Variants in RBMS3 observed in about 807,000 individuals in gnomAD.
RBMS3 encodes the protein RNA binding motif single stranded interacting protein 3.
RBMS3 carries 27 observed loss-of-function variants against 66.8 expected under a neutral mutation model. The ratio of observed to expected loss-of-function variants is 0.40; its 90% CI spans 0.30 to 0.56. The LOEUF (loss-of-function observed/expected upper bound fraction) is 0.56, where lower values mean the gene tolerates loss of function less well. RBMS3 is among the 20% of genes least tolerant of loss of function. The probability of loss-of-function intolerance (pLI) is 0.40; values close to 1 mark genes in which losing one functional copy is unlikely to be tolerated. For missense variants in RBMS3, 513 were observed against 549.5 expected, an observed-to-expected ratio of 0.93 and a Z score of 0.66; for synonymous variants, 188 against 183.0, an observed-to-expected ratio of 1.03 and a Z score of -0.22.
At chr3:29,528,968 T>C (rs1232399037) in intron 3 of RBMS3, among the ~76,000 whole-genome samples, 1 of 152,144 alleles carries the variant, frequency 6.6e-6, no homozygotes, top group Non-Finnish European at 1.5e-5. Context: ...GGTCTCGAAC[T>C]CCTGACCTAA....
intron 4 of RBMS3, among the ~76,000 whole-genome samples, chr3:29,647,402 A>C (rs17548225): frequency 0.15 from 22,508 of 152,208 alleles, 1,815 homozygotes; most frequent in Middle Eastern, 0.25. Flanking sequence ...GGACTCATCA[A>C]ATTAAAAACA....
At chr3:29,615,493 C>G (rs895625187) in intron 4 of RBMS3, among the ~76,000 whole-genome samples, 1 of 151,984 alleles carries the variant, frequency 6.6e-6, no homozygotes, top group African/African-American at 2.4e-5. Flanking sequence ...CACACACACA[C>G]ACATAAAATG....
intron 6 of RBMS3, among the ~76,000 whole-genome samples, chr3:29,794,791 T>G (rs1041753456): frequency 5.9e-5 from 9 of 152,182 alleles, no homozygotes; most frequent in Non-Finnish European, 7.3e-5. Flanking sequence ...AATGTACACA[T>G]GGTCATGTGC....
intron 6 of RBMS3, among the ~76,000 whole-genome samples, chr3:29,844,671 G>A (rs930970717): frequency 3.9e-5 from 6 of 152,136 alleles, no homozygotes; most frequent in Admixed American, 1.3e-4. Context: ...AAACAATCCA[G>A]CATTTCCATC....
At chr3:29,770,716 C>G (rs1327522509) in intron 6 of RBMS3, among the ~76,000 whole-genome samples, 1 of 152,018 alleles carries the variant, frequency 6.6e-6, no homozygotes, top group Non-Finnish European at 1.5e-5. Context: ...GCTTTGCCTT[C>G]TGTCAGCATC....
intron 3 of RBMS3, among the ~76,000 whole-genome samples, chr3:29,566,251 T>C (rs1004529061): frequency 6.6e-6 from 1 of 152,108 alleles, no homozygotes; most frequent in Non-Finnish European, 1.5e-5. Context: ...CCCACTGCAA[T>C]GAAGGACATT....
intron 10 of RBMS3, among the ~76,000 whole-genome samples, chr3:29,931,595 TC>T (rs974712944): frequency 1.0e-3 from 156 of 152,076 alleles, no homozygotes; most frequent in African/African-American, 3.7e-3. Context: ...TTGTTTCTTC[TC>T]CCCACAAAAG....
intron 3 of RBMS3, among the ~76,000 whole-genome samples, chr3:29,571,766 G>A (rs2046961390): frequency 6.6e-6 from 1 of 152,004 alleles, no homozygotes; most frequent in South Asian, 2.1e-4. Context: ...GGGTCTTTGT[G>A]ATTCTGTAGA....
At chr3:29,723,930 G>A (rs1447221327) in intron 4 of RBMS3, among the ~76,000 whole-genome samples, 2 of 151,770 alleles carry the variant, frequency 1.3e-5, no homozygotes, top group Non-Finnish European at 2.9e-5. Context: ...TACTCCCAGG[G>A]AAGTCTGAAT....
chr3:29,315,862 C>A (rs539550588), intron 1 of RBMS3, among the ~76,000 whole-genome samples: 2 of 151,854 alleles, frequency 1.3e-5, no homozygotes, highest in Admixed American at 1.3e-4. Flanking sequence ...ACCACTATCA[C>A]TGACACAGCT....
intron 6 of RBMS3, among the ~76,000 whole-genome samples, chr3:29,790,197 C>T (rs768753214): frequency 3.3e-5 from 5 of 151,926 alleles, no homozygotes; most frequent in Non-Finnish European, 4.4e-5. Flanking sequence ...ATTTCAAGGA[C>T]GACTTTAAAA....
chr3:29,590,996 AG>A (rs1369201897), intron 4 of RBMS3, among the ~76,000 whole-genome samples: 1 of 152,188 alleles, frequency 6.6e-6, no homozygotes, highest in African/African-American at 2.4e-5. Context: ...GTCCTTTTAA[AG>A]GTTTTTCCAG....
chr3:29,820,553 A>G (rs2058054101), intron 6 of RBMS3, among the ~76,000 whole-genome samples: 1 of 152,092 alleles, frequency 6.6e-6, no homozygotes, highest in Non-Finnish European at 1.5e-5. Flanking sequence ...GATAGTGTTC[A>G]TTTTATTCAA....
rs1699888608 is a variant in RBMS3 at position 30,009,188 on chromosome 3, T to G, written c.*5326T>G. Reference sequence around the variant, plus strand: ...TACTACTGCCCCAATTTCTAAATTGTGCATAAATACAATCACTCTCAATTT... The same window carrying G: ...TACTACTGCCCCAATTTCTAAATTGGGCATAAATACAATCACTCTCAATTT... On this transcript the variant is annotated 3_prime_UTR_variant, in exon 15 of 15. Transcript: ENST00000383767. The G allele has an allele frequency of 6.6e-6, 1 of 152,094 alleles. No homozygotes were observed. The highest frequency in any genetic ancestry group is 1.5e-5 in the Non-Finnish European group (1 of 67,978). 9.4% of individuals were successfully genotyped at this position (152,094 alleles called of 1,614,324 possible). A position where few individuals can be genotyped will look rare whatever the true frequency, so the allele number is the denominator to read the frequency against.
At chr3:29,570,260 G>A (rs1318597872) in intron 3 of RBMS3, among the ~76,000 whole-genome samples, 1 of 151,922 alleles carries the variant, frequency 6.6e-6, no homozygotes, top group South Asian at 2.1e-4. Context: ...GGCATGTAAT[G>A]CATAATAATC....
At chr3:29,867,107 T>G (rs1213755183) in intron 6 of RBMS3, among the ~76,000 whole-genome samples, 1 of 152,162 alleles carries the variant, frequency 6.6e-6, no homozygotes, top group Non-Finnish European at 1.5e-5. Context: ...CAAATGATTT[T>G]CAAATATTTA....
chr3:29,899,247 A>G (rs536554435), intron 9 of RBMS3, among the ~76,000 whole-genome samples: 11 of 151,808 alleles, frequency 7.2e-5, no homozygotes, highest in Admixed American at 3.3e-4. Context: ...AGCTCTTACC[A>G]CAACTTTTAC....
chr3:29,368,385 G>A lies in RBMS3; in HGVS notation c.76-66358G>A, dbSNP rs543687606. 1.6e-3 allele frequency among the ~76,000 whole-genome samples: 243 copies of A among 152,220 alleles called. 3 individuals carry two copies. Among genetic ancestry groups the A allele is most frequent in the African/African-American group, 5.4e-3 (226 of 41,562 alleles). ...AACAGGTTGATCTATATTTATTGGAGTATTGCTGGGTAGAAAATTTGTCAT... is the reference window on the plus strand; with the variant it reads ...AACAGGTTGATCTATATTTATTGGAATATTGCTGGGTAGAAAATTTGTCAT... On this transcript the variant is annotated intron_variant, in intron 1 of 14. Transcript: ENST00000383767.
chr3:29,603,051 G>A (rs1213311541), intron 4 of RBMS3, among the ~76,000 whole-genome samples: 1 of 151,894 alleles, frequency 6.6e-6, no homozygotes, highest in African/African-American at 2.4e-5. Flanking sequence ...GGAGACTATT[G>A]GATTACTGTT....
Sources: gnomAD v4.1 joint callset for allele counts (sites outside exome capture counted in the v4.1 genomes callset) on GRCh38, gnomAD v4.1.1 for gene constraint, MANE v1.5 for transcripts, NCBI Gene and HGNC (gene_info 2026-07-23, HGNC 2026-07-21) for gene names.